The following ZNF618 variants were observed in gnomAD, a reference collection of about 807,000 sequenced individuals.
ZNF618 encodes neural precursor cell expressed, developmentally down-regulated 10.
A neutral mutation model predicts 103.0 loss-of-function variants in ZNF618; 34 were observed. The observed-to-expected ratio is 0.33, with a 90% CI of 0.25 to 0.44. The LOEUF (loss-of-function observed/expected upper bound fraction) is 0.44, where lower values mean the gene tolerates loss of function less well. Ranked by LOEUF, ZNF618 falls within the 20% of genes least tolerant of loss-of-function variation. The probability of loss-of-function intolerance (pLI) is 1.00; values close to 1 mark genes in which losing one functional copy is unlikely to be tolerated. For missense variants in ZNF618, 1,059 were observed against 1,295.4 expected (o/e 0.82, Z 2.80); for synonymous variants, 551 against 542.2 (o/e 1.02, Z -0.23).
intron 1 of ZNF618, among the ~76,000 whole-genome samples, chr9:113,926,659 G>A (rs1336154656): frequency 4.6e-5 from 7 of 151,822 alleles, no homozygotes; most frequent in African/African-American, 1.5e-4. Flanking sequence ...TATATTATCA[G>A]CAGTTCTTGC....
chr9:113,959,829 G>A (rs1461599973), intron 1 of ZNF618, among the ~76,000 whole-genome samples: 1 of 152,110 alleles, frequency 6.6e-6, no homozygotes, highest in Non-Finnish European at 1.5e-5. Context: ...GGCTGGTCTC[G>A]ACCTCCTGAC....
At chr9:113,960,994 G>A (rs780003792) in intron 1 of ZNF618, among the ~76,000 whole-genome samples, 6 of 152,206 alleles carry the variant, frequency 3.9e-5, no homozygotes, top group Non-Finnish European at 7.3e-5. Flanking sequence ...ACGGGCCTTG[G>A]TTTCCCAGCT....
At position 113,969,142 on chromosome 9, in the gene ZNF618, G is replaced by A. The variant is rs1837712549; in HGVS notation, c.59G>A (p.Arg20Lys). 2 of 1,613,842 alleles carry A rather than the reference G, an allele frequency of 1.2e-6. No homozygotes were observed. The highest frequency in any genetic ancestry group is 1.1e-5 in the South Asian group (1 of 91,076). The change falls in exon 2 of 15, where the codon AGG (arginine) becomes AAG (lysine). Residue 20 changes from arginine (R) to lysine (K), a missense_variant. Arg to Lys is a conservative substitution (Grantham distance 26). Transcript: ENST00000374126. ...GCTGACGGAGCCAGTGCAGCCGGAA[G>A]GAAAAGCACTGCGAGCAGGTACACT... ...PQADGASAAG[R>K]KSTASRERLK... is the part of the protein sequence containing the mutation.
intron 13 of ZNF618, 141 bp downstream of exon 13, chr9:114,036,518 G>A (rs895053505): frequency 1.1e-6 from 1 of 872,894 alleles, no homozygotes; most frequent in Non-Finnish European, 1.8e-6. Flanking sequence ...CTGCTTGCAG[G>A]GAGCCCCAGT....
At chr9:114,047,194 G>T (rs1845724520) in intron 13 of ZNF618, among the ~76,000 whole-genome samples, 1 of 152,178 alleles carries the variant, frequency 6.6e-6, no homozygotes, top group Admixed American at 6.5e-5. Context: ...GGATACCACT[G>T]CATATGTGCA....
At chr9:113,969,845 T>C (rs1014080675) in intron 2 of ZNF618, among the ~76,000 whole-genome samples, 2 of 152,098 alleles carry the variant, frequency 1.3e-5, no homozygotes, top group African/African-American at 2.4e-5. Flanking sequence ...TGACCTGTAT[T>C]TGGGGCTTTG....
At chr9:113,963,262 A>G (rs573790120) in intron 1 of ZNF618, among the ~76,000 whole-genome samples, 1 of 152,226 alleles carries the variant, frequency 6.6e-6, no homozygotes, top group African/African-American at 2.4e-5. Context: ...CCGAGGTCAC[A>G]TATCTTCCTG....
intron 7 of ZNF618, 98 bp from the exon 8 acceptor site, chr9:114,008,246 G>A (rs1482936848): frequency 6.5e-7 from 1 of 1,537,454 alleles, no homozygotes; most frequent in Non-Finnish European, 8.8e-7. Context: ...ATGGGGATAG[G>A]GGCTGGGAGC....
chr9:113,980,839 T>C (rs1838907301), intron 2 of ZNF618, among the ~76,000 whole-genome samples: 1 of 152,158 alleles, frequency 6.6e-6, no homozygotes, highest in African/African-American at 2.4e-5. Context: ...CGACGGGGAC[T>C]GAGAAGGGAC....
At position 114,032,675 on chromosome 9, in the gene ZNF618, G is replaced by A; in HGVS notation, c.1115G>A (p.Gly372Asp). The change falls in exon 12 of 15, where the codon GGC becomes GAC. Residue 372 changes from glycine (G) to aspartate (D), a missense_variant. Around this residue, in one of 6 missense-constraint regions of ZNF618, gnomAD observed 434 missense variants for 476.0 expected, o/e 0.91. Transcript: ENST00000374126. Reference protein sequence around the residue: ...AESAFSRRVEGKAQNHFEETN... With the variant: ...AESAFSRRVEDKAQNHFEETN... Reference sequence around the variant, plus strand: ...AGCGCTTTCAGTCGGAGAGTAGAAGGCAAAGCACAAAACCACTTTGAAGAG... The same window carrying A: ...AGCGCTTTCAGTCGGAGAGTAGAAGACAAAGCACAAAACCACTTTGAAGAG... 2 of 1,614,024 alleles carry A rather than the reference G, an allele frequency of 1.2e-6. No homozygotes were observed. The highest frequency in any genetic ancestry group is 1.7e-6 in the Non-Finnish European group (2 of 1,179,894).
intron 6 of ZNF618, among the ~76,000 whole-genome samples, chr9:114,003,035 C>T (rs890207710): frequency 1.3e-5 from 2 of 152,314 alleles, no homozygotes; most frequent in African/African-American, 4.8e-5. Context: ...CCTGGATATG[C>T]GGGTCCTTGT....
At chr9:113,951,444 T>TATATGTGTGTGTATATATATAC (rs1835646468) in intron 1 of ZNF618, among the ~76,000 whole-genome samples, 1 of 2,084 alleles carries the variant, frequency 4.8e-4, no homozygotes, top group Non-Finnish European at 2.5e-3. Context: ...TATATATACA[T>TATATGTGTGTGTATATATATAC]ATATGTGTAT....
intron 1 of ZNF618, among the ~76,000 whole-genome samples, chr9:113,937,370 G>C (rs1442335648): frequency 6.6e-6 from 1 of 152,298 alleles, no homozygotes; most frequent in African/African-American, 2.4e-5. Context: ...CTACAAACAA[G>C]GACATTTACG....
intron 13 of ZNF618, among the ~76,000 whole-genome samples, chr9:114,044,466 C>T (rs556825225): frequency 1.3e-5 from 2 of 152,082 alleles, no homozygotes; most frequent in East Asian, 1.9e-4. Flanking sequence ...GTTCGAAGTC[C>T]GGTAATGTGT....
At chr9:113,920,880 G>C (rs755070550) in intron 1 of ZNF618, among the ~76,000 whole-genome samples, 1 of 152,250 alleles carries the variant, frequency 6.6e-6, no homozygotes, top group Non-Finnish European at 1.5e-5. Context: ...CATGTGGCTA[G>C]TTGTAGTTTT....
chr9:114,036,448 T>G, intron 13 of ZNF618, 71 bp downstream of exon 13: 2 of 1,482,880 alleles, frequency 1.3e-6, no homozygotes, highest in Non-Finnish European at 1.8e-6. Flanking sequence ...GGTTAGGGCC[T>G]GACCTGAGGC....
intron 2 of ZNF618, among the ~76,000 whole-genome samples, chr9:113,976,980 G>A (rs1838529824): frequency 6.6e-6 from 1 of 152,156 alleles, no homozygotes; most frequent in African/African-American, 2.4e-5. Flanking sequence ...CAAGCACCTT[G>A]TAAGGACTGG....
At chr9:113,946,400 A>C (rs1835035858) in intron 1 of ZNF618, among the ~76,000 whole-genome samples, 1 of 33,932 alleles carries the variant, frequency 2.9e-5, no homozygotes. Context: ...GAAGTCTTCA[A>C]AAAAAAAAAA....
intron 1 of ZNF618, among the ~76,000 whole-genome samples, chr9:113,936,547 G>A (rs1006749560): frequency 6.6e-6 from 1 of 152,354 alleles, no homozygotes; most frequent in East Asian, 1.9e-4. Context: ...CTGGGAATTG[G>A]TGCAGAATTT....
Sources: allele counts gnomAD v4.1 joint callset (sites outside exome capture counted in the v4.1 genomes callset), GRCh38; gene constraint gnomAD v4.1.1; regional missense constraint gnomAD v4.1.1; transcripts MANE v1.5; gene names NCBI Gene and HGNC (gene_info 2026-07-23, HGNC 2026-07-21).